BSN: variants seen among roughly 807,000 people sequenced by gnomAD.
The protein encoded by BSN is protein bassoon.
BSN carries 57 observed loss-of-function variants against 264.8 expected under a neutral mutation model. The ratio of observed to expected loss-of-function variants is 0.22; its 90% CI spans 0.17 to 0.27. The LOEUF is 0.27. Ranked by LOEUF, BSN falls within the 10% of genes least tolerant of loss-of-function variation. The pLI, the probability that BSN is intolerant of heterozygous loss-of-function variation, is 1.00. For synonymous variants in BSN, 2,059 were observed against 2,137.3 expected, an observed-to-expected ratio of 0.96 and a Z score of 1.01; for missense variants, 4,615 against 5,232.5, an observed-to-expected ratio of 0.88 and a Z score of 3.64.
At chr3:49,564,388 GTC>G (rs1237637371) in intron 1 of BSN, among the ~76,000 whole-genome samples, 1 of 152,228 alleles carries the variant, frequency 6.6e-6, no homozygotes, top group Non-Finnish European at 1.5e-5. Flanking sequence ...GCCTGCATGA[GTC>G]TCTGCTATGT....
chr3:49,647,034 CT>C (rs1429372581), intron 3 of BSN, among the ~76,000 whole-genome samples: 1 of 152,222 alleles, frequency 6.6e-6, no homozygotes, highest in East Asian at 1.9e-4. Context: ...TCACAGCCCC[CT>C]GGTCTGGCAG....
intron 1 of BSN, among the ~76,000 whole-genome samples, chr3:49,582,526 C>T (rs2051902091): frequency 6.6e-6 from 1 of 152,164 alleles, no homozygotes; most frequent in South Asian, 2.1e-4. Flanking sequence ...TTTATTAGTT[C>T]TAACTTTTTT....
chr3:49,620,182 AC>A (rs768876548), intron 1 of BSN, among the ~76,000 whole-genome samples: 36 of 152,246 alleles, frequency 2.4e-4, no homozygotes, highest in Non-Finnish European at 4.7e-4. Context: ...TGCAGAAAGA[AC>A]AGCAAATCCG....
At chr3:49,583,778 T>C (rs544344363) in intron 1 of BSN, among the ~76,000 whole-genome samples, 1 of 152,292 alleles carries the variant, frequency 6.6e-6, no homozygotes, top group South Asian at 2.1e-4. Context: ...CCTGAGTCAG[T>C]TTTGATAGTT....
chr3:49,588,277 C>T (rs1296034614), intron 1 of BSN, among the ~76,000 whole-genome samples: 2 of 152,032 alleles, frequency 1.3e-5, no homozygotes, highest in East Asian at 1.9e-4. Context: ...CCTTAGGTTC[C>T]CTTCCTCCAG....
In BSN at chr3:49,657,865, A is replaced by G. The variant is rs2052623643; in HGVS notation, c.8309A>G (p.Tyr2770Cys). Residue 2770 changes from tyrosine to cysteine, a missense_variant, in exon 5 of 12, where the codon TAC becomes TGC. By Grantham distance (194) the Tyr-to-Cys change is radical. Around this residue, in one of 3 missense-constraint regions of BSN, gnomAD observed 3,415 missense variants for 3,866.4 expected, o/e 0.88. Coordinates refer to ENST00000296452, the MANE Select transcript of BSN (RefSeq NM_003458.4). ...AAGCCAGATCCCCTGGAGATTGGGT[A>G]CCAGGCCCACCTGCCTCCGGAGTCT... ...KKKPDPLEIG[Y>C]QAHLPPESLS... 3 of 1,613,282 alleles carry G rather than the reference A, an allele frequency of 1.9e-6. No homozygotes were observed. Among genetic ancestry groups the G allele is most frequent in the African/African-American group, 2.7e-5 (2 of 74,900 alleles).
Position 49,662,438 on chromosome 3 carries a change from C to G in BSN, c.10593C>G (p.Phe3531Leu). Residue 3531 changes from phenylalanine (F) to leucine (L), a missense_variant, in exon 6 of 12, where the codon TTC becomes TTG. By Grantham distance (22) the Phe-to-Leu change is conservative (BLOSUM62 0). Coordinates refer to ENST00000296452, the MANE Select transcript of BSN (RefSeq NM_003458.4). ...LPPGGDTCPQ[F>L]CSSHSMPDVQ... The stretch of plus-strand genomic sequence containing the variant: ...CCGGCGGGGATACCTGCCCACAGTT[C>G]TGCTCCAGCCACTCCATGCCTGATG... The G allele has an allele frequency of 1.2e-6, 2 of 1,613,496 alleles. No individual in the cohort carries two copies. Among genetic ancestry groups the G allele is most frequent in the Non-Finnish European group, 1.7e-6 (2 of 1,180,024 alleles).
chr3:49,561,352 C>G (rs1349789622), intron 1 of BSN, among the ~76,000 whole-genome samples: 2 of 152,212 alleles, frequency 1.3e-5, no homozygotes, highest in Admixed American at 1.3e-4. Context: ...GGACTAACCC[C>G]TGTATCCAGA....
In BSN at chr3:49,642,389, C is replaced by A. The variant is rs544923830; in HGVS notation, c.755C>A (p.Ser252Tyr). 1 of 1,600,418 alleles carries A rather than the reference C, an allele frequency of 6.2e-7. No homozygotes were observed. The highest frequency in any genetic ancestry group is 8.5e-7 in the Non-Finnish European group (1 of 1,173,598). ...LHSPALSPAH[S>Y]PAKQPLGKPD... ...TCCCCAGCCCTGTCTCCTGCCCACT[C>A]CCCGGCCAAACAGCCCCTGGGGAAG... Residue 252 changes from serine to tyrosine, a missense_variant, in exon 3 of 12, where the codon TCC becomes TAC. Coordinates refer to ENST00000296452, the MANE Select transcript of BSN (RefSeq NM_003458.4). This position sits in a 1 kb window ranked among gnomAD's most constrained non-coding sequence, Gnocchi z 7.0.
chr3:49,655,981 TTCC>T lies in BSN; in HGVS notation c.6426_6428del (p.Pro2143del), dbSNP rs776589450. 1 of 1,608,424 alleles carries T rather than the reference TTCC, an allele frequency of 6.2e-7. No homozygotes were observed. Among genetic ancestry groups the T allele is most frequent in the South Asian group, 1.1e-5 (1 of 90,958 alleles). Reference sequence around the variant, plus strand: ...GGGCTCAGTGCTCCACAGAGTCTGGTTCCCCTCAGACCTGGACTCCTTGGTAAC... The same window carrying T: ...GGGCTCAGTGCTCCACAGAGTCTGGTCCTCAGACCTGGACTCCTTGGTAAC... On this transcript the variant is annotated inframe_deletion, in exon 5 of 12. Coordinates refer to ENST00000296452, the MANE Select transcript of BSN (RefSeq NM_003458.4).
At position 49,668,352 on chromosome 3, in the gene BSN, A is replaced by G. The variant is rs2052728191; in HGVS notation, c.*867A>G. 6.6e-6 allele frequency: 1 copy of G among 152,624 alleles called. No homozygotes were observed. Among genetic ancestry groups the G allele is most frequent in the African/African-American group, 2.4e-5 (1 of 41,440 alleles). 9.5% of individuals were successfully genotyped at this position (152,624 alleles called of 1,614,324 possible). On this transcript the variant is annotated 3_prime_UTR_variant, in exon 12 of 12. Transcript: ENST00000296452. ...CCTGGGGATTTCTTTTGATTTCAAGAACAGCCTTAATCATTCCAGTTTGAT... is the reference window on the plus strand; with the variant it reads ...CCTGGGGATTTCTTTTGATTTCAAGGACAGCCTTAATCATTCCAGTTTGAT...
In BSN at chr3:49,638,012, C is replaced by CA. The variant is rs1393286258; in HGVS notation, c.634-4255dup. 6.6e-6 allele frequency among the ~76,000 whole-genome samples: 1 copy of CA among 152,234 alleles called. No individual in the cohort carries two copies. The highest frequency in any genetic ancestry group is 1.5e-5 in the Non-Finnish European group (1 of 68,044). On this transcript the variant is annotated intron_variant, in intron 2 of 11. Transcript: ENST00000296452. The surrounding 1 kb of genome is among the most constrained non-coding windows in gnomAD (Gnocchi z 4.3). Reference sequence around the variant, plus strand: ...GGTAGCCCCAGGAAGGCTCCTGAGACACGAGGCTCGTGGCTGGTAGCCTGC... The same window carrying CA: ...GGTAGCCCCAGGAAGGCTCCTGAGACAACGAGGCTCGTGGCTGGTAGCCTGC...
Position 49,642,263 on chromosome 3 carries a change from C to A in BSN, c.634-5C>A. On this transcript the variant is annotated splice_polypyrimidine_tract_variant and splice_region_variant and intron_variant, in intron 2 of 11. Coordinates refer to ENST00000296452, the MANE Select transcript of BSN (RefSeq NM_003458.4). This position sits in a 1 kb window ranked among gnomAD's most constrained non-coding sequence, Gnocchi z 7.0. ...CCCTGCTGACTATTTTGCTTTTCTC[C>A]TCAGGTGAAGGAGTGGCTCTGTCTG... is the stretch of plus-strand genomic sequence containing the variant. 1 of 1,517,438 alleles carries A rather than the reference C, an allele frequency of 6.6e-7. No homozygotes were observed. Among genetic ancestry groups the A allele is most frequent in the Non-Finnish European group, 8.8e-7 (1 of 1,132,950 alleles). 94.0% of individuals were successfully genotyped at this position (1,517,438 alleles called of 1,614,324 possible).
chr3:49,642,905 C>G lies in BSN; in HGVS notation c.1271C>G (p.Ser424Cys). ...TEPGARMGPGSGPGALPKTGG... is the reference protein window; with the variant it reads ...TEPGARMGPGCGPGALPKTGG... ...CCTGGGGCTAGAATGGGTCCTGGAT[C>G]TGGACCTGGAGCCCTGCCGAAAACT... is the stretch of plus-strand genomic sequence containing the variant. Residue 424 changes from serine to cysteine, a missense_variant, in exon 3 of 12, where the codon TCT (serine) becomes TGT (cysteine). Physicochemically the swap from Ser to Cys is moderately radical, Grantham distance 112 (BLOSUM62 -1). Coordinates refer to ENST00000296452, the MANE Select transcript of BSN (RefSeq NM_003458.4). The surrounding 1 kb of genome is among the most constrained non-coding windows in gnomAD (Gnocchi z 7.0). 1.9e-6 allele frequency: 3 copies of G among 1,613,984 alleles called. No individual in the cohort carries two copies. Among genetic ancestry groups the G allele is most frequent in the Non-Finnish European group, 2.5e-6 (3 of 1,180,016 alleles).
rs1385819240 is a variant in BSN at position 49,625,667 on chromosome 3, GC to G, written c.633+286del. 1.3e-5 allele frequency among the ~76,000 whole-genome samples: 2 copies of G among 152,194 alleles called. No individual in the cohort carries two copies. The highest frequency in any genetic ancestry group is 2.9e-5 in the Non-Finnish European group (2 of 68,046). On this transcript the variant is annotated intron_variant, in intron 2 of 11. Transcript: ENST00000296452. This position sits in a 1 kb window ranked among gnomAD's most constrained non-coding sequence, Gnocchi z 4.4. ...GGTCCAAGTTTGGTCTGGAAAAATG[GC>G]CTTCGAGAGGACCAAAGACAATCTT...
rs1422942228 is a variant in BSN, at chr3:49,660,052, C to T, written c.8641-434C>T. ...GGCCCAGGACCCTCTCCACTCCATGCCTCCTGTTCATACTCCACTGATCTC... is the reference window on the plus strand; with the variant it reads ...GGCCCAGGACCCTCTCCACTCCATGTCTCCTGTTCATACTCCACTGATCTC... On this transcript the variant is annotated intron_variant, in intron 5 of 11. Coordinates refer to ENST00000296452, the MANE Select transcript of BSN (RefSeq NM_003458.4). This position sits in a 1 kb window ranked among gnomAD's most constrained non-coding sequence, Gnocchi z 7.1. Among the ~76,000 whole-genome samples, 1 of 152,166 alleles carries T rather than the reference C, an allele frequency of 6.6e-6. No individual in the cohort carries two copies. Among genetic ancestry groups the T allele is most frequent in the Non-Finnish European group, 1.5e-5 (1 of 68,024 alleles).
In BSN at chr3:49,596,399, G is replaced by A. The variant is rs751616990; in HGVS notation, c.225-28576G>A. ...AGCCTGGGTGACAGAGCGAGACTCC[G>A]TCTCAAAAACAAAAAAAGTATAATG... On this transcript the variant is annotated intron_variant, in intron 1 of 11. Transcript: ENST00000296452. Among the ~76,000 whole-genome samples the A allele has an allele frequency of 7.9e-5, 12 of 152,260 alleles. No homozygotes were observed. The East Asian group carries it at 1.2e-3, about 15-fold the overall frequency.
intron 1 of BSN, among the ~76,000 whole-genome samples, chr3:49,593,621 T>G (rs1434384644): frequency 6.6e-6 from 1 of 152,184 alleles, no homozygotes; most frequent in Admixed American, 6.5e-5. Flanking sequence ...TGGTTTTAAT[T>G]TGTATTTCCA....
chr3:49,605,042 C>T lies in BSN; in HGVS notation c.225-19933C>T, dbSNP rs941047524. Among the ~76,000 whole-genome samples the T allele has an allele frequency of 2.0e-4, 30 of 150,962 alleles. 2 individuals are homozygous for T. The highest frequency in any genetic ancestry group is 8.8e-5 in the Non-Finnish European group (6 of 67,888). On this transcript the variant is annotated intron_variant, in intron 1 of 11. Coordinates refer to ENST00000296452, the MANE Select transcript of BSN (RefSeq NM_003458.4). The stretch of plus-strand genomic sequence containing the variant: ...TGGGAGGCTGAGGTGGGCAGATCAC[C>T]TGAGGTCAGGAGTTTGAGACCAGCT...
Sources: gnomAD v4.1 joint callset for allele counts (sites outside exome capture counted in the v4.1 genomes callset) on GRCh38, gnomAD v4.1.1 for gene constraint, gnomAD v4.1.1 regional missense constraint, Gnocchi (gnomAD v3.1) non-coding constraint, MANE v1.5 for transcripts, NCBI Gene and HGNC (gene_info 2026-07-23, HGNC 2026-07-21) for gene names.